OCIAD2: variants seen among roughly 807,000 people sequenced by gnomAD.
OCIAD2 encodes OCIA domain-containing protein 2.
A neutral mutation model predicts 22.9 loss-of-function variants in OCIAD2; 29 were observed. That is an observed-to-expected ratio of 1.27 (90% CI 0.94 to 1.73). OCIAD2 has a LOEUF of 1.73. Among genes scored for constraint, OCIAD2 ranks in the 40% most tolerant of loss-of-function variants. The pLI, the probability that OCIAD2 is intolerant of heterozygous loss-of-function variation, is 0.00. For synonymous variants in OCIAD2, 67 were observed against 60.2 expected (o/e 1.11, Z -0.52); for missense variants, 189 against 180.3 (o/e 1.05, Z -0.28).
At chr4:48,899,234 A>AT (rs1781365495) in intron 3 of OCIAD2, among the ~76,000 whole-genome samples, 2 of 152,236 alleles carry the variant, frequency 1.3e-5, no homozygotes, top group East Asian at 1.9e-4. Flanking sequence ...TATATCACAC[A>AT]TTTTTTTAAT....
At chr4:48,886,553 A>G (rs568606941) in intron 6 of OCIAD2, among the ~76,000 whole-genome samples, 17 of 132,012 alleles carry the variant, frequency 1.3e-4, no homozygotes, top group African/African-American at 4.1e-4. Flanking sequence ...AAGTGTTCTC[A>G]TTGTTCAGTT....
intron 6 of OCIAD2, among the ~76,000 whole-genome samples, chr4:48,887,279 C>T (rs1449637172): frequency 2.0e-5 from 3 of 151,652 alleles, no homozygotes; most frequent in Admixed American, 6.6e-5. Flanking sequence ...TTCTCCCATT[C>T]TGTAGGCTGC....
intron 6 of OCIAD2, 72 bp from the exon 7 acceptor site, chr4:48,885,637 T>C (rs1780963920): frequency 2.6e-6 from 2 of 778,296 alleles, no homozygotes; most frequent in Admixed American, 2.1e-5. Flanking sequence ...CATAACATAT[T>C]ATTCTTATTA....
chr4:48,895,553 C>T (rs1241534285), intron 4 of OCIAD2, among the ~76,000 whole-genome samples: 2 of 152,120 alleles, frequency 1.3e-5, no homozygotes, highest in Non-Finnish European at 2.9e-5. Flanking sequence ...GGAACTCACT[C>T]CCATGATAAT....
intron 6 of OCIAD2, among the ~76,000 whole-genome samples, chr4:48,889,699 A>G (rs1392547492): frequency 6.6e-6 from 1 of 152,200 alleles, no homozygotes; most frequent in African/African-American, 2.4e-5. Context: ...ACAGTGTGGC[A>G]ATTCCTCAAG....
Position 48,894,052 on chromosome 4 carries a change from A to T in OCIAD2, c.219T>A (p.Gly73=), listed in dbSNP as rs1481331898. Residue 73 remains glycine, a splice_region_variant and synonymous_variant, in exon 5 of 7, where the codon GGT becomes GGA. Coordinates refer to ENST00000508632, the MANE Select transcript of OCIAD2 (RefSeq NM_001014446.3). ...MLVTQGLVYQ[G]YLAANSRFGS... is the part of the protein sequence containing the mutation. ...CAAATCTAGAATTAGCTGCCAAATA[A>T]CCTAAGGAGTAATAAAGAAAAACAT... The T allele has an allele frequency of 6.9e-7, 1 of 1,449,220 alleles. No individual in the cohort carries two copies. The highest frequency in any genetic ancestry group is 1.4e-5 in the African/African-American group (1 of 70,654). The allele number at this position is 1,449,220 out of a possible 1,614,324, so 89.8% of individuals were successfully genotyped here.
chr4:48,904,249 T>C (rs1781479324), intron 2 of OCIAD2, among the ~76,000 whole-genome samples: 1 of 152,092 alleles, frequency 6.6e-6, no homozygotes, highest in African/African-American at 2.4e-5. Context: ...GCCAGGTGTT[T>C]GAGACCAGCT....
intron 2 of OCIAD2, among the ~76,000 whole-genome samples, chr4:48,900,696 G>C (rs555561160): frequency 1.3e-5 from 2 of 149,428 alleles, no homozygotes; most frequent in East Asian, 3.9e-4. Flanking sequence ...GCAAGGGCGT[G>C]ATCTTGGCTC....
intron 6 of OCIAD2, 33 bp from the exon 7 acceptor site, chr4:48,885,598 T>A (rs755976229): frequency 6.1e-6 from 7 of 1,142,854 alleles, no homozygotes; most frequent in Non-Finnish European, 9.3e-6. Flanking sequence ...CAGCGGTTTG[T>A]ACTTTGACAC....
chr4:48,893,072 C>T (rs1207103244), intron 5 of OCIAD2, 183 bp from the exon 6 acceptor site: 2 of 454,464 alleles, frequency 4.4e-6, no homozygotes, highest in East Asian at 7.8e-5. Flanking sequence ...ACTTCCCCAT[C>T]TCAACTTTGC....
At chr4:48,902,778 C>T (rs535299352) in intron 2 of OCIAD2, among the ~76,000 whole-genome samples, 1 of 152,200 alleles carries the variant, frequency 6.6e-6, no homozygotes, top group East Asian at 1.9e-4. Context: ...CATGGTGAAA[C>T]TTCATCTCTA....
chr4:48,902,656 C>A (rs1199706694), intron 2 of OCIAD2, among the ~76,000 whole-genome samples: 1 of 152,166 alleles, frequency 6.6e-6, no homozygotes, highest in Non-Finnish European at 1.5e-5. Context: ...AATGCACACA[C>A]CCTGGCTATC....
intron 6 of OCIAD2, among the ~76,000 whole-genome samples, chr4:48,892,552 T>C (rs780227872): frequency 6.6e-6 from 1 of 152,210 alleles, no homozygotes; most frequent in Admixed American, 6.5e-5. Context: ...TTGAACACAG[T>C]AGATTCCCAT....
chr4:48,885,953 G>T (rs1484782042), intron 6 of OCIAD2, among the ~76,000 whole-genome samples: 7 of 152,108 alleles, frequency 4.6e-5, no homozygotes, highest in Admixed American at 2.6e-4. Context: ...GTCAATTTCG[G>T]CCTTTGTTAC....
chr4:48,885,294 A>G lies in OCIAD2; in HGVS notation c.*190T>C. On this transcript the variant is annotated 3_prime_UTR_variant, in exon 7 of 7. Coordinates refer to ENST00000508632, the MANE Select transcript of OCIAD2 (RefSeq NM_001014446.3). ...ATGAGCCACTGCGCCATGCCCCGAC[A>G]TGTTCTTAAAGAGCAGAAAAACATG... The G allele has an allele frequency of 1.8e-6, 1 of 551,604 alleles. No individual in the cohort carries two copies. Among genetic ancestry groups the G allele is most frequent in the East Asian group, 3.1e-5 (1 of 32,616 alleles). The allele number at this position is 551,604 out of a possible 1,614,324, so 34.2% of individuals were successfully genotyped here.
intron 4 of OCIAD2, among the ~76,000 whole-genome samples, chr4:48,896,621 C>T (rs1560459646): frequency 6.6e-6 from 1 of 151,940 alleles, no homozygotes; most frequent in Non-Finnish European, 1.5e-5. Flanking sequence ...AAACAAAACC[C>T]CAAGATCCCC....
intron 2 of OCIAD2, among the ~76,000 whole-genome samples, chr4:48,904,005 A>T (rs190283228): frequency 3.3e-4 from 50 of 152,308 alleles, no homozygotes; most frequent in Non-Finnish European, 6.0e-4. Flanking sequence ...CTTCTTTTCA[A>T]AGCAGCTGAA....
At chr4:48,896,198 G>A (rs974552727) in intron 4 of OCIAD2, among the ~76,000 whole-genome samples, 2 of 152,138 alleles carry the variant, frequency 1.3e-5, no homozygotes, top group Non-Finnish European at 2.9e-5. Flanking sequence ...TGGTCAAAGT[G>A]GGATTCTCCT....
rs73815397 is a variant in OCIAD2 at position 48,892,117 on chromosome 4, A to G, written c.383+655T>C. ...GTGACCAGTGAGGGGTGTTTAGAGA[A>G]ATGTGTCCCCAACACTAGTCTTGTA... On this transcript the variant is annotated intron_variant, in intron 6 of 6. Coordinates refer to ENST00000508632, the MANE Select transcript of OCIAD2 (RefSeq NM_001014446.3). Among the ~76,000 whole-genome samples, 476 of 152,344 alleles carry G rather than the reference A, an allele frequency of 3.1e-3. 1 individual carries two copies. The highest frequency in any genetic ancestry group is 0.011 in the African/African-American group (446 of 41,564).
Sources: allele counts gnomAD v4.1 joint callset (sites outside exome capture counted in the v4.1 genomes callset), GRCh38; gene constraint gnomAD v4.1.1; transcripts MANE v1.5; gene names NCBI Gene and HGNC (gene_info 2026-07-23, HGNC 2026-07-21).